Variants in ROBO2 observed in about 807,000 individuals in gnomAD.
ROBO2 encodes the protein roundabout homolog 2.
A neutral mutation model predicts 160.8 loss-of-function variants in ROBO2; 53 were observed. The observed-to-expected ratio is 0.33, with a 90% CI of 0.26 to 0.41. The LOEUF is 0.41. Among genes scored for constraint, ROBO2 ranks in the 10% least tolerant of loss-of-function variants. The pLI is 1.00. For synonymous variants in ROBO2, 664 were observed against 611.7 expected, an observed-to-expected ratio of 1.09 and a Z score of -1.26; for missense variants, 1,577 against 1,722.4, an observed-to-expected ratio of 0.92 and a Z score of 1.49.
At chr3:77,090,327 T>A (rs796786345) in intron 1 of ROBO2, among the ~76,000 whole-genome samples, 203 of 6,434 alleles carry the variant, frequency 0.032, 4 homozygotes, top group African/African-American at 0.17. Context: ...ACCACTCTTT[T>A]TTTTTTTTTT....
chr3:76,793,557 G>A (rs1377597307), intron 2 of ROBO2, among the ~76,000 whole-genome samples: 1 of 151,828 alleles, frequency 6.6e-6, no homozygotes, highest in Non-Finnish European at 1.5e-5. Flanking sequence ...AACACAGTAA[G>A]CATTCTGTAG....
intron 2 of ROBO2, among the ~76,000 whole-genome samples, chr3:75,953,152 G>T (rs1948610759): frequency 6.6e-6 from 1 of 152,032 alleles, no homozygotes; most frequent in African/African-American, 2.4e-5. Flanking sequence ...TTGCTGGGTT[G>T]TGTGGTAAGA....
At chr3:77,013,253 G>A (rs558467002) in intron 2 of ROBO2, among the ~76,000 whole-genome samples, 1 of 151,886 alleles carries the variant, frequency 6.6e-6, no homozygotes, top group Non-Finnish European at 1.5e-5. Flanking sequence ...TAAATTATAG[G>A]TGCACCTTAA....
chr3:76,260,863 C>T (rs552779028), intron 2 of ROBO2, among the ~76,000 whole-genome samples: 152 of 152,108 alleles, frequency 1.0e-3, no homozygotes, highest in Non-Finnish European at 1.5e-3. Flanking sequence ...TAGCAATAAA[C>T]CTGAATGGTC....
chr3:76,753,355 T>C (rs1367051249), intron 2 of ROBO2, among the ~76,000 whole-genome samples: 2 of 151,882 alleles, frequency 1.3e-5, no homozygotes, highest in Admixed American at 6.6e-5. Context: ...ATTTTAAACA[T>C]ATATAATGTT....
intron 2 of ROBO2, among the ~76,000 whole-genome samples, chr3:76,428,283 A>T (rs2076298713): frequency 6.6e-6 from 1 of 152,180 alleles, no homozygotes; most frequent in Non-Finnish European, 1.5e-5. Context: ...AAGGAGCATA[A>T]TTGTTTAACC....
intron 2 of ROBO2, among the ~76,000 whole-genome samples, chr3:76,966,082 C>T (rs2149260233): frequency 6.6e-6 from 1 of 151,806 alleles, no homozygotes; most frequent in Non-Finnish European, 1.5e-5. Flanking sequence ...GCCATCATGC[C>T]TGGCTAGTTT....
At chr3:76,593,925 C>G (rs534310769) in intron 2 of ROBO2, among the ~76,000 whole-genome samples, 10 of 151,972 alleles carry the variant, frequency 6.6e-5, no homozygotes, top group African/African-American at 2.4e-4. Flanking sequence ...ACTTCTTCAT[C>G]TTTCATTAAA....
intron 2 of ROBO2, among the ~76,000 whole-genome samples, chr3:77,028,775 C>T (rs1021494049): frequency 3.3e-5 from 5 of 152,188 alleles, no homozygotes; most frequent in African/African-American, 1.2e-4. Flanking sequence ...CCTATGCACA[C>T]AGGACTTTTC....
rs372479837 is a variant in ROBO2 at position 77,243,544 on chromosome 3, T to C, written c.388+145204T>C. 2.6e-5 allele frequency among the ~76,000 whole-genome samples: 4 copies of C among 152,298 alleles called. No individual in the cohort carries two copies. In the East Asian group the frequency reaches 7.8e-4, roughly 30 times the overall value. On this transcript the variant is annotated intron_variant, in intron 2 of 25. Transcript: ENST00000461745. ...TCTGGGTAAAATAGGGTGACTATTC[T>C]GGACACGGTCATGGCTTTGCTACTA... is the stretch of plus-strand genomic sequence containing the variant.
At chr3:77,574,538 A>G (rs761637794) in exon 14 of ROBO2, 2 of 1,613,424 alleles carry the variant, frequency 1.2e-6, no homozygotes, top group Non-Finnish European at 8.5e-7. Context: ...CTACCGAGTG[A>G]TGTATCGTCA....
At position 77,010,457 on chromosome 3, in the gene ROBO2, C is replaced by T. The variant is rs73843403; in HGVS notation, c.110-87557C>T. 6.3e-3 allele frequency among the ~76,000 whole-genome samples: 953 copies of T among 152,254 alleles called. 9 individuals carry two copies. The highest frequency in any genetic ancestry group is 0.022 in the African/African-American group (910 of 41,546). On this transcript the variant is annotated intron_variant, in intron 2 of 26. Transcript: ENST00000487694. ...GACATCTCCGCGTTTATAATAAAAG[C>T]CACCTCTTTATAAATGACCCATAAT...
At chr3:76,380,070 A>G (rs979350759) in intron 2 of ROBO2, among the ~76,000 whole-genome samples, 1 of 152,042 alleles carries the variant, frequency 6.6e-6, no homozygotes, top group African/African-American at 2.4e-5. Context: ...TTTAATGCAT[A>G]TGCCATATCT....
intron 2 of ROBO2, among the ~76,000 whole-genome samples, chr3:77,450,567 T>A (rs2081013228): frequency 6.6e-6 from 1 of 152,112 alleles, no homozygotes; most frequent in Non-Finnish European, 1.5e-5. Context: ...ACTGGTATAT[T>A]TAATAAATTT....
intron 2 of ROBO2, among the ~76,000 whole-genome samples, chr3:76,469,483 T>C (rs186824525): frequency 1.3e-5 from 2 of 152,180 alleles, no homozygotes; most frequent in East Asian, 3.9e-4. Context: ...ACAAAGTCTA[T>C]TAAAAGGCTG....
intron 2 of ROBO2, among the ~76,000 whole-genome samples, chr3:77,314,370 C>A (rs2063793133): frequency 6.6e-6 from 1 of 152,146 alleles, no homozygotes; most frequent in Admixed American, 6.5e-5. Flanking sequence ...AGAATTGCAT[C>A]CAGCATTTGG....
rs150918389 is a variant in ROBO2, at chr3:77,318,855, C to T, written c.389-158559C>T. Among the ~76,000 whole-genome samples the T allele has an allele frequency of 1.9e-3, 282 of 152,190 alleles. 2 individuals carry two copies. The highest frequency in any genetic ancestry group is 6.6e-3 in the African/African-American group (272 of 41,516). ...AAGATGGTTGAAATTTTATATAAATCGATGTCAAGGTAATATTATTTATGA... is the reference window on the plus strand; with the variant it reads ...AAGATGGTTGAAATTTTATATAAATTGATGTCAAGGTAATATTATTTATGA... On this transcript the variant is annotated intron_variant, in intron 2 of 25. Transcript: ENST00000461745.
chr3:76,184,704 C>T (rs189763653), intron 2 of ROBO2, among the ~76,000 whole-genome samples: 24 of 151,966 alleles, frequency 1.6e-4, no homozygotes, highest in African/African-American at 3.1e-4. Context: ...AGTCCAAGTA[C>T]GAAAAACCTC....
chr3:75,954,211 G>A (rs1428517922), intron 2 of ROBO2, among the ~76,000 whole-genome samples: 1 of 151,756 alleles, frequency 6.6e-6, no homozygotes, highest in Admixed American at 6.6e-5. Context: ...CTCTGTATTT[G>A]TTCCATTTAA....
Sources: allele counts gnomAD v4.1 joint callset (sites outside exome capture counted in the v4.1 genomes callset), GRCh38; gene constraint gnomAD v4.1.1; transcripts MANE v1.5; gene names NCBI Gene and HGNC (gene_info 2026-07-23, HGNC 2026-07-21).